The following ANKRD13C variants were observed in gnomAD, a reference collection of about 807,000 sequenced individuals.
ANKRD13C encodes the protein ankyrin repeat domain-containing protein 13C.
ANKRD13C carries 16 observed loss-of-function variants against 65.5 expected under a neutral mutation model. That is an observed-to-expected ratio of 0.24 (90% CI 0.17 to 0.37). The LOEUF (loss-of-function observed/expected upper bound fraction) is 0.37. Among genes scored for constraint, ANKRD13C ranks in the 10% least tolerant of loss-of-function variants. The pLI, the probability that ANKRD13C is intolerant of heterozygous loss-of-function variation, is 1.00. For synonymous variants in ANKRD13C, 235 were observed against 238.7 expected (o/e 0.98, Z 0.14); for missense variants, 503 against 655.9 (o/e 0.77, Z 2.55).
intron 3 of ANKRD13C, among the ~76,000 whole-genome samples, chr1:70,323,781 A>G (rs1048773482): frequency 2.1e-4 from 32 of 149,182 alleles, no homozygotes; most frequent in African/African-American, 7.9e-4. Flanking sequence ...CTGGAGTGCA[A>G]TGGTGCGATC....
chr1:70,326,266 A>G (rs1681540679), intron 2 of ANKRD13C, among the ~76,000 whole-genome samples: 1 of 125,448 alleles, frequency 8.0e-6, no homozygotes. Context: ...AAAAAAAAAG[A>G]CAGCCATCCA....
intron 9 of ANKRD13C, among the ~76,000 whole-genome samples, chr1:70,277,211 A>G (rs1480400889): frequency 3.3e-5 from 5 of 152,208 alleles, no homozygotes; most frequent in African/African-American, 9.6e-5. Context: ...TAATCCCAGC[A>G]CTTTGGGAGG....
At chr1:70,339,601 G>A (rs1682212482) in intron 1 of ANKRD13C, among the ~76,000 whole-genome samples, 1 of 151,816 alleles carries the variant, frequency 6.6e-6, no homozygotes, top group Non-Finnish European at 1.5e-5. Context: ...TTAGAGGAGT[G>A]AGCCACCGCG....
At chr1:70,301,178 C>T (rs950250513) in intron 6 of ANKRD13C, among the ~76,000 whole-genome samples, 15 of 148,656 alleles carry the variant, frequency 1.0e-4, no homozygotes, top group East Asian at 7.8e-4. Flanking sequence ...TATACACACA[C>T]ATATATATAT....
intron 1 of ANKRD13C, among the ~76,000 whole-genome samples, chr1:70,341,018 G>C (rs918676384): frequency 1.1e-4 from 17 of 152,258 alleles, no homozygotes; most frequent in Non-Finnish European, 2.1e-4. Flanking sequence ...GCTGAGGCAG[G>C]AGAATCACTT....
intron 2 of ANKRD13C, among the ~76,000 whole-genome samples, chr1:70,329,151 TAG>T (rs958049127): frequency 6.6e-6 from 1 of 151,830 alleles, no homozygotes; most frequent in Non-Finnish European, 1.5e-5. Context: ...AAAAAAAAAG[TAG>T]AGAGATGATG....
chr1:70,347,024 G>A (rs61122312), intron 1 of ANKRD13C, among the ~76,000 whole-genome samples: 16,487 of 149,458 alleles, frequency 0.11, 1,121 homozygotes, highest in East Asian at 0.33. Context: ...CCGGGGAGGC[G>A]GAGCTTGCAG....
chr1:70,266,202 T>G (rs269276), intron 12 of ANKRD13C, among the ~76,000 whole-genome samples: 59,510 of 152,016 alleles, frequency 0.39, 11,716 homozygotes, highest in African/African-American at 0.44. Flanking sequence ...ACAGTTGTTT[T>G]CACTTCGAAT....
intron 12 of ANKRD13C, among the ~76,000 whole-genome samples, chr1:70,265,749 T>C (rs1318461029): frequency 7.2e-6 from 1 of 139,476 alleles, no homozygotes; most frequent in Non-Finnish European, 1.5e-5. Context: ...GGCTTGAGAC[T>C]GGTAAGCAGA....
At chr1:70,287,843 C>G (rs77463246) in intron 9 of ANKRD13C, among the ~76,000 whole-genome samples, 41 of 151,710 alleles carry the variant, frequency 2.7e-4, no homozygotes, top group African/African-American at 7.7e-4. Context: ...CTTGTCTCTA[C>G]AAAAAAATAA....
intron 2 of ANKRD13C, among the ~76,000 whole-genome samples, chr1:70,328,518 C>A (rs1462611562): frequency 6.6e-6 from 1 of 152,082 alleles, no homozygotes; most frequent in African/African-American, 2.4e-5. Context: ...CACAAAGTAG[C>A]CAGGTGTGGT....
At chr1:70,292,325 A>G (rs1679898958) in intron 9 of ANKRD13C, 63 bp downstream of exon 9, 1 of 1,318,622 alleles carries the variant, frequency 7.6e-7, no homozygotes. Context: ...GAATGCCACC[A>G]AGAATGAAAT....
intron 9 of ANKRD13C, 195 bp downstream of exon 9, chr1:70,292,193 T>G: frequency 2.4e-6 from 1 of 422,610 alleles, no homozygotes; most frequent in Non-Finnish European, 4.1e-6. Flanking sequence ...AAGTACAGAT[T>G]CACAAAAAAA....
chr1:70,267,842 C>T (rs1328174545), intron 12 of ANKRD13C, among the ~76,000 whole-genome samples: 3 of 151,982 alleles, frequency 2.0e-5, no homozygotes, highest in Non-Finnish European at 4.4e-5. Flanking sequence ...GTGTCTGTAT[C>T]ACAATTTCCC....
At chr1:70,342,739 A>AACAC (rs373447795) in intron 1 of ANKRD13C, among the ~76,000 whole-genome samples, 9,382 of 115,248 alleles carry the variant, frequency 0.081, 329 homozygotes, top group South Asian at 0.17. Flanking sequence ...CACACACAAT[A>AACAC]ACACACACAC....
At chr1:70,272,340 C>A (rs1048987631) in intron 11 of ANKRD13C, among the ~76,000 whole-genome samples, 1 of 151,850 alleles carries the variant, frequency 6.6e-6, no homozygotes, top group African/African-American at 2.4e-5. Context: ...ATTGTCTCAG[C>A]CTCCCGAGTA....
At chr1:70,302,613 C>T (rs1462744067) in intron 6 of ANKRD13C, among the ~76,000 whole-genome samples, 1 of 130,754 alleles carries the variant, frequency 7.6e-6, no homozygotes, top group Non-Finnish European at 1.6e-5. Context: ...GTAGTCCCAG[C>T]TACTTGGGAG....
At chr1:70,335,654 T>C (rs1681991450) in intron 2 of ANKRD13C, among the ~76,000 whole-genome samples, 1 of 150,418 alleles carries the variant, frequency 6.6e-6, no homozygotes, top group Non-Finnish European at 1.5e-5. Flanking sequence ...TATTAAGTTT[T>C]TGCAATTATC....
chr1:70,338,034 G>C (rs568443710), intron 1 of ANKRD13C, among the ~76,000 whole-genome samples: 3 of 152,224 alleles, frequency 2.0e-5, no homozygotes, highest in African/African-American at 7.2e-5. Context: ...GGGAGGCGAA[G>C]GTTGCGGTGA....
Sources: allele counts gnomAD v4.1 joint callset (sites outside exome capture counted in the v4.1 genomes callset), GRCh38; gene constraint gnomAD v4.1.1; transcripts MANE v1.5; gene names NCBI Gene and HGNC (gene_info 2026-07-23, HGNC 2026-07-21).